The following NOL4 variants were observed in gnomAD, a reference collection of about 807,000 sequenced individuals.
NOL4 encodes nucleolar protein 4, also known as cancer/testis antigen 125.
In NOL4, 17 loss-of-function variants were observed where a neutral mutation model predicts 75.9. The observed-to-expected ratio is 0.22, with a 90% CI of 0.15 to 0.34. The LOEUF (loss-of-function observed/expected upper bound fraction) is 0.34, where lower values mean the gene tolerates loss of function less well. NOL4 is among the 10% of genes least tolerant of loss of function. The pLI is 1.00. For synonymous variants in NOL4, 292 were observed against 289.9 expected (o/e 1.01, Z -0.07); for missense variants, 614 against 793.5 (o/e 0.77, Z 2.72).
chr18:33,995,552 A>T (rs1224953023), intron 6 of NOL4, among the ~76,000 whole-genome samples: 2 of 151,628 alleles, frequency 1.3e-5, no homozygotes, highest in African/African-American at 4.8e-5. Context: ...CATGAGAAAA[A>T]CTTAACAAAC....
chr18:33,905,732 C>T (rs574083525), intron 9 of NOL4, among the ~76,000 whole-genome samples: 1 of 152,238 alleles, frequency 6.6e-6, no homozygotes, highest in East Asian at 1.9e-4. Context: ...AGCATGCACC[C>T]AGAAGTTCCA....
Position 34,069,100 on chromosome 18 carries a change from CT to C in NOL4, c.772+24364del, listed in dbSNP as rs1391162719. Among the ~76,000 whole-genome samples, 8 of 152,080 alleles carry C rather than the reference CT, an allele frequency of 5.3e-5. No individual in the cohort carries two copies. The East Asian group carries it at 1.4e-3, about 26-fold the overall frequency. ...AGTTATTGAAATTAACATGTCTGGGCTTTAAAATAACCATTATTGATGTGTG... is the reference window on the plus strand; with the variant it reads ...AGTTATTGAAATTAACATGTCTGGGCTTAAAATAACCATTATTGATGTGTG... On this transcript the variant is annotated intron_variant, in intron 5 of 10. Coordinates refer to ENST00000261592, the MANE Select transcript of NOL4 (RefSeq NM_003787.5).
At chr18:34,032,383 T>C (rs1452750923) in intron 5 of NOL4, among the ~76,000 whole-genome samples, 1 of 152,138 alleles carries the variant, frequency 6.6e-6, no homozygotes, top group Non-Finnish European at 1.5e-5. Context: ...GGCCTGAAGA[T>C]GAGCTCACCT....
rs2062625803 is a variant in NOL4, at chr18:33,851,269, CATTAT to C, written c.*1568_*1572del. 6.6e-6 allele frequency: 1 copy of C among 152,316 alleles called. No homozygotes were observed. Among genetic ancestry groups the C allele is most frequent in the Admixed American group, 6.6e-5 (1 of 15,210 alleles). The allele number at this position is 152,316 out of a possible 1,614,324, so 9.4% of individuals were successfully genotyped here. On this transcript the variant is annotated 3_prime_UTR_variant, in exon 11 of 11. Coordinates refer to ENST00000261592, the MANE Select transcript of NOL4 (RefSeq NM_003787.5). ...ACTCATATTTCAATAAGATTTTTCA[CATTAT>C]ATTCACCAACAGTATCACAAAAGTT...
At chr18:33,860,359 C>T (rs190064886) in intron 10 of NOL4, among the ~76,000 whole-genome samples, 13 of 152,270 alleles carry the variant, frequency 8.5e-5, no homozygotes, top group Non-Finnish European at 2.9e-5. Flanking sequence ...CTCCCAAAAC[C>T]TTAACTCATT....
In NOL4 at chr18:34,060,177, C is replaced by T. The variant is rs1033367953; in HGVS notation, c.772+33288G>A. On this transcript the variant is annotated intron_variant, in intron 5 of 10. Coordinates refer to ENST00000261592, the MANE Select transcript of NOL4 (RefSeq NM_003787.5). ...AATATCCTGTCCCCCAGTCTCTGAA[C>T]AGCTTGAGAGTGAATCTACACTATA... is the stretch of plus-strand genomic sequence containing the variant. 3.3e-5 allele frequency among the ~76,000 whole-genome samples: 5 copies of T among 152,272 alleles called. No individual in the cohort carries two copies. In the East Asian group the frequency reaches 5.8e-4, roughly 18 times the overall value.
At chr18:34,169,995 A>G (rs1281352468) in intron 1 of NOL4, among the ~76,000 whole-genome samples, 1 of 152,128 alleles carries the variant, frequency 6.6e-6, no homozygotes, top group Non-Finnish European at 1.5e-5. Context: ...TTTAACTGCC[A>G]TCTCTGACAT....
Position 33,920,871 on chromosome 18 carries a change from G to A in NOL4, c.1542+22194C>T, listed in dbSNP as rs138483298. 2.6e-5 allele frequency among the ~76,000 whole-genome samples: 4 copies of A among 152,320 alleles called. No homozygotes were observed. The East Asian group carries it at 5.8e-4, about 22-fold the overall frequency. The stretch of plus-strand genomic sequence containing the variant: ...AATGATTCCAAGGGCAAAGCAATGA[G>A]CCCAGAGGTTGAGGCCAGCCAGCTG... On this transcript the variant is annotated intron_variant, in intron 9 of 10. Transcript: ENST00000261592.
Position 34,019,607 on chromosome 18 carries a change from G to A in NOL4, c.773-6C>T. The A allele has an allele frequency of 1.2e-6, 2 of 1,605,292 alleles. No individual in the cohort carries two copies. The highest frequency in any genetic ancestry group is 1.1e-5 in the South Asian group (1 of 90,132). On this transcript the variant is annotated splice_polypyrimidine_tract_variant and splice_region_variant and intron_variant, in intron 5 of 10. Transcript: ENST00000261592. ...GCTCTCTGCAGCAGAATCATCTGTT[G>A]GAAAGGAAAAGTTATATTTTGATTT...
chr18:33,945,764 C>T (rs772749029), intron 8 of NOL4, among the ~76,000 whole-genome samples: 26 of 151,814 alleles, frequency 1.7e-4, no homozygotes, highest in Admixed American at 3.3e-4. Flanking sequence ...CGTAGATAAA[C>T]AGTATAATTT....
At chr18:33,861,704 C>T (rs1017317588) in intron 10 of NOL4, among the ~76,000 whole-genome samples, 1 of 152,038 alleles carries the variant, frequency 6.6e-6, no homozygotes, top group African/African-American at 2.4e-5. Flanking sequence ...TAGAAATCCA[C>T]CTTATAAGGG....
chr18:34,218,008 A>G (rs924451521), intron 1 of NOL4, among the ~76,000 whole-genome samples: 1 of 152,110 alleles, frequency 6.6e-6, no homozygotes, highest in African/African-American at 2.4e-5. Flanking sequence ...TATGCTATCC[A>G]TGAAGTTTGT....
At chr18:34,055,683 A>T (rs995963294) in intron 5 of NOL4, among the ~76,000 whole-genome samples, 1 of 152,118 alleles carries the variant, frequency 6.6e-6, no homozygotes, top group Non-Finnish European at 1.5e-5. Flanking sequence ...TTCTTCAAAT[A>T]AACTCTGCCC....
At chr18:33,931,831 T>A (rs1194015607) in intron 9 of NOL4, among the ~76,000 whole-genome samples, 1 of 152,118 alleles carries the variant, frequency 6.6e-6, no homozygotes, top group Non-Finnish European at 1.5e-5. Context: ...ATAATCTTAG[T>A]TTGGTATAAA....
intron 5 of NOL4, among the ~76,000 whole-genome samples, chr18:34,070,338 TATAAAG>T (rs2077461538): frequency 6.6e-6 from 1 of 152,200 alleles, no homozygotes; most frequent in South Asian, 2.1e-4. Flanking sequence ...TTTTTTACAC[TATAAAG>T]TTTCACCACA....
intron 2 of NOL4, among the ~76,000 whole-genome samples, chr18:34,113,621 G>A (rs1317489563): frequency 1.3e-5 from 2 of 149,924 alleles, no homozygotes; most frequent in Non-Finnish European, 3.0e-5. Context: ...TGGGTAGCAG[G>A]GTGAGACAGT....
intron 6 of NOL4, among the ~76,000 whole-genome samples, chr18:34,003,405 G>C (rs2073850168): frequency 6.6e-6 from 1 of 151,918 alleles, no homozygotes; most frequent in Admixed American, 6.6e-5. Context: ...ATAAATATTT[G>C]TTTAAAAAGT....
intron 6 of NOL4, among the ~76,000 whole-genome samples, chr18:34,007,608 T>C (rs1007634558): frequency 6.6e-6 from 1 of 152,048 alleles, no homozygotes. Context: ...CTTTGTTTTC[T>C]TTCCTGTCTT....
At chr18:34,111,092 T>C (rs1478909798) in intron 2 of NOL4, among the ~76,000 whole-genome samples, 1 of 152,100 alleles carries the variant, frequency 6.6e-6, no homozygotes, top group African/African-American at 2.4e-5. Flanking sequence ...GGAAACTGGA[T>C]AACCAAATGT....
Sources: gnomAD v4.1 joint callset for allele counts (sites outside exome capture counted in the v4.1 genomes callset) on GRCh38, gnomAD v4.1.1 for gene constraint, MANE v1.5 for transcripts, NCBI Gene and HGNC (gene_info 2026-07-23, HGNC 2026-07-21) for gene names.